The following SNTA1 variants were observed in gnomAD, a reference collection of about 807,000 sequenced individuals.
SNTA1 encodes the protein syntrophin alpha 1.
Under a neutral mutation model 47.1 loss-of-function variants are expected in SNTA1, and 31 were observed. The observed-to-expected ratio is 0.66, with a 90% CI of 0.49 to 0.89. The LOEUF (loss-of-function observed/expected upper bound fraction) is 0.89. Ranked by LOEUF, SNTA1 falls within the 40% of genes least tolerant of loss-of-function variation. The probability of loss-of-function intolerance (pLI) is 0.00; values close to 1 mark genes in which losing one functional copy is unlikely to be tolerated. For missense variants in SNTA1, 575 were observed against 693.0 expected, an observed-to-expected ratio of 0.83 and a Z score of 1.91; for synonymous variants, 300 against 313.6, an observed-to-expected ratio of 0.96 and a Z score of 0.46.
At chr20:33,425,398 A>C in intron 2 of SNTA1, among the ~76,000 whole-genome samples, 2 of 152,310 alleles carry the variant, frequency 1.3e-5, no homozygotes, top group Middle Eastern at 6.8e-3. Flanking sequence ...GGTGGCTCAC[A>C]CCTATAATTC....
At position 33,437,621 on chromosome 20, in the gene SNTA1, C is replaced by G. The variant is rs373668869; in HGVS notation, c.496+1220G>C. 3.7e-4 allele frequency among the ~76,000 whole-genome samples: 57 copies of G among 152,266 alleles called. 2 individuals carry two copies. The East Asian group carries it at 0.01, about 27-fold the overall frequency. On this transcript the variant is annotated intron_variant, in intron 2 of 7. Transcript: ENST00000217381. The stretch of plus-strand genomic sequence containing the variant: ...CACTCCTTTAGGGAAACCAAGGCAA[C>G]CCACCAGGATTTGGGCCTGGGACTC...
intron 2 of SNTA1, among the ~76,000 whole-genome samples, chr20:33,432,517 C>G (rs1009192427): frequency 8.5e-5 from 13 of 152,172 alleles, no homozygotes; most frequent in Non-Finnish European, 1.5e-4. Flanking sequence ...CAGTGCCAGA[C>G]CTGGGGGCTG....
At position 33,421,269 on chromosome 20, in the gene SNTA1, C is replaced by T. The variant is rs553666742; in HGVS notation, c.497-3346G>A. ...GCTCCAGCACTGTCTAACTGTGTAA[C>T]CATGGACAAGGTCATTTACCTCTCT... is the stretch of plus-strand genomic sequence containing the variant. On this transcript the variant is annotated intron_variant, in intron 2 of 7. Coordinates refer to ENST00000217381, the MANE Select transcript of SNTA1 (RefSeq NM_003098.3). Among the ~76,000 whole-genome samples the T allele has an allele frequency of 1.6e-4, 25 of 152,262 alleles. No homozygotes were observed. In the South Asian group the frequency reaches 5.2e-3, roughly 32 times the overall value.
At chr20:33,443,269 C>T (rs1247359465) in intron 1 of SNTA1, 42 bp downstream of exon 1, 1 of 1,458,892 alleles carries the variant, frequency 6.9e-7, no homozygotes, top group East Asian at 2.9e-5. Context: ...CTCGGCTGCC[C>T]CCAGACACCA....
intron 2 of SNTA1, among the ~76,000 whole-genome samples, chr20:33,434,758 G>A (rs112678737): frequency 0.016 from 2,468 of 150,042 alleles, 64 homozygotes; most frequent in African/African-American, 0.056. Flanking sequence ...AGCTGGTCTC[G>A]AACTCCTGGG....
intron 1 of SNTA1, among the ~76,000 whole-genome samples, chr20:33,443,042 C>T (rs1432529472): frequency 1.3e-5 from 2 of 151,852 alleles, no homozygotes; most frequent in Non-Finnish European, 2.9e-5. Context: ...CAGACCCCCC[C>T]GCCTCCACAC....
In SNTA1 at chr20:33,412,674, A is replaced by G; in HGVS notation, c.810T>C (p.Thr270=). 1 of 1,613,860 alleles carries G rather than the reference A, an allele frequency of 6.2e-7. No homozygotes were observed. The highest frequency in any genetic ancestry group is 1.1e-5 in the South Asian group (1 of 91,068). The change falls in exon 4 of 8, where the codon ACT becomes ACC. Residue 270 remains threonine (T), a synonymous_variant. Transcript: ENST00000217381. ...GCTCATCCTTGACCCGCGGCGTCAG[A>G]GTATTGACCTGGGCTTGGATGGCAG... ...WATAIQAQVN[T]LTPRVKDELQ...
chr20:33,414,245 CA>C (rs56186098), intron 3 of SNTA1, among the ~76,000 whole-genome samples: 481 of 29,234 alleles, frequency 0.016, 2 homozygotes, highest in Middle Eastern at 0.12. Context: ...TCTCAAAAAC[CA>C]AAAAAAAAAA....
rs746800138 is a variant in SNTA1, at chr20:33,408,801, C to T, written c.1325G>A (p.Arg442Gln). Residue 442 changes from arginine (R) to glutamine (Q), a missense_variant, in exon 7 of 8, where the codon CGA (arginine) becomes CAA (glutamine). Physicochemically the swap from Arg to Gln is conservative, Grantham distance 43. Coordinates refer to ENST00000217381, the MANE Select transcript of SNTA1 (RefSeq NM_003098.3). ...TLWAAEPGAA[R>Q]AVLLRQPFEK... ...GAAGGGCTGTCGCAGGAGCACAGCTCGGGCTGCACCTGGCTCAGCCGCCCA... is the reference window on the plus strand; with the variant it reads ...GAAGGGCTGTCGCAGGAGCACAGCTTGGGCTGCACCTGGCTCAGCCGCCCA... 3.1e-6 allele frequency: 5 copies of T among 1,614,036 alleles called. No individual in the cohort carries two copies. Among genetic ancestry groups the T allele is most frequent in the East Asian group, 2.2e-5 (1 of 44,898 alleles).
Position 33,443,708 on chromosome 20 carries a change from C to CG in SNTA1, c.-89dup. On this transcript the variant is annotated 5_prime_UTR_variant, in exon 1 of 8. Transcript: ENST00000217381. ...ACCAAGCGCCCAGGGCAGAGGGCAG[C>CG]GGGGGCCCGGCTGGGCCAGCCGCCA... 1.2e-6 allele frequency: 1 copy of CG among 863,046 alleles called. No individual in the cohort carries two copies. Among genetic ancestry groups the CG allele is most frequent in the Non-Finnish European group, 1.5e-6 (1 of 684,654 alleles). The allele number at this position is 863,046 out of a possible 1,614,324, so 53.5% of individuals were successfully genotyped here. A position where few individuals can be genotyped will look rare whatever the true frequency, so the allele number is the denominator to read the frequency against.
intron 2 of SNTA1, among the ~76,000 whole-genome samples, chr20:33,425,398 A>G (rs677870): frequency 0.96 from 146,253 of 152,310 alleles, 70,294 homozygotes; most frequent in East Asian, 1. Flanking sequence ...GGTGGCTCAC[A>G]CCTATAATTC....
intron 7 of SNTA1, 50 bp from the exon 8 acceptor site, chr20:33,408,649 C>G (rs77750269): frequency 6.2e-7 from 1 of 1,610,018 alleles, no homozygotes; most frequent in African/African-American, 1.3e-5. Flanking sequence ...GCCTGGCCTC[C>G]GAGAGTGCAC....
In SNTA1 at chr20:33,412,344, C is replaced by T. The variant is rs575431717; in HGVS notation, c.992G>A (p.Arg331His). Residue 331 changes from arginine to histidine, a missense_variant, in exon 5 of 8, where the codon CGC becomes CAC. Arg to His is a conservative substitution (Grantham distance 29). Coordinates refer to ENST00000217381, the MANE Select transcript of SNTA1 (RefSeq NM_003098.3). Reference protein sequence around the residue: ...LLLYLSLPETREALSRPARTA... With the variant: ...LLLYLSLPETHEALSRPARTA... ...ACGGGCTGGCCGGCTCAGGGCCTCG[C>T]GGGTCTCGGGGAGAGACAAGTAGAG... 17 of 1,611,318 alleles carry T rather than the reference C, an allele frequency of 1.1e-5. No homozygotes were observed. Among genetic ancestry groups the T allele is most frequent in the African/African-American group, 9.4e-5 (7 of 74,842 alleles).
intron 2 of SNTA1, among the ~76,000 whole-genome samples, chr20:33,424,690 T>G (rs1048995192): frequency 4.0e-5 from 6 of 151,684 alleles, no homozygotes; most frequent in Non-Finnish European, 8.8e-5. Flanking sequence ...ATTTTTTTAT[T>G]TTTTGTAGAG....
chr20:33,408,531 G>A lies in SNTA1; in HGVS notation c.1494C>T (p.Val498=). The A allele has an allele frequency of 6.2e-7, 1 of 1,614,084 alleles. No individual in the cohort carries two copies. The highest frequency in any genetic ancestry group is 8.5e-7 in the Non-Finnish European group (1 of 1,179,930). ...TCTAGGCCAACAGCCCGAGGCGGGTGACTTTGGCCGACAGGAAGGAGTGGA... is the reference window on the plus strand; with the variant it reads ...TCTAGGCCAACAGCCCGAGGCGGGTAACTTTGGCCGACAGGAAGGAGTGGA... ...FIIHSFLSAK[V]TRLGLLA Residue 498 remains valine, a synonymous_variant, in exon 8 of 8, where the codon GTC becomes GTT. Transcript: ENST00000217381.
chr20:33,432,710 T>A (rs74819370), intron 2 of SNTA1, among the ~76,000 whole-genome samples: 1 of 152,094 alleles, frequency 6.6e-6, no homozygotes, highest in Non-Finnish European at 1.5e-5. Context: ...TAATTTTTTT[T>A]AATTAGGCAG....
At chr20:33,414,462 C>T (rs1369930897) in intron 3 of SNTA1, among the ~76,000 whole-genome samples, 3 of 151,592 alleles carry the variant, frequency 2.0e-5, no homozygotes, top group Non-Finnish European at 2.9e-5. Context: ...GACGTCATGG[C>T]GGGCACCTGT....
intron 2 of SNTA1, among the ~76,000 whole-genome samples, chr20:33,434,004 G>A (rs1990373456): frequency 6.6e-6 from 1 of 152,154 alleles, no homozygotes; most frequent in South Asian, 2.1e-4. Context: ...ACTATCCACT[G>A]AGCTGGAAAA....
In SNTA1 at chr20:33,412,821, T is replaced by G. The variant is rs201752760; in HGVS notation, c.702-39A>C. The G allele has an allele frequency of 1.2e-4, 173 of 1,447,502 alleles. No individual in the cohort carries two copies. The African/African-American group carries it at 2.3e-3, about 19-fold the overall frequency. 89.7% of individuals were successfully genotyped at this position (1,447,502 alleles called of 1,614,324 possible). A position where few individuals can be genotyped will look rare whatever the true frequency, so the allele number is the denominator to read the frequency against. The stretch of plus-strand genomic sequence containing the variant: ...TGGGTGGAGACAAGGACCTGACCAT[T>G]AGGCTGCAGCTGCCCAACCCTGGCC... On this transcript the variant is annotated intron_variant, in intron 3 of 7. Transcript: ENST00000217381.
Sources: allele counts gnomAD v4.1 joint callset (sites outside exome capture counted in the v4.1 genomes callset), GRCh38; gene constraint gnomAD v4.1.1; transcripts MANE v1.5; gene names NCBI Gene and HGNC (gene_info 2026-07-23, HGNC 2026-07-21).